AIM2: variants seen among roughly 807,000 people sequenced by gnomAD.
The protein encoded by AIM2 is interferon-inducible protein AIM2.
In AIM2, 30 loss-of-function variants were observed where a neutral mutation model predicts 27.7. That is an observed-to-expected ratio of 1.08 (90% CI 0.81 to 1.47). The LOEUF (loss-of-function observed/expected upper bound fraction) is 1.47, where lower values mean the gene tolerates loss of function less well. Among genes scored for constraint, AIM2 ranks in the 40% most tolerant of loss-of-function variants. The pLI is 0.00. For synonymous variants in AIM2, 141 were observed against 145.3 expected (o/e 0.97, Z 0.21); for missense variants, 358 against 411.3 (o/e 0.87, Z 1.12).
chr1:159,080,113 TG>T (rs2101998257), upstream of AIM2, among the ~76,000 whole-genome samples: 1 of 152,330 alleles, frequency 6.6e-6, no homozygotes, highest in South Asian at 2.1e-4. Context: ...TTCCAAGTTT[TG>T]GCAATTACGA....
chr1:159,067,026 A>C (rs891806825), intron 3 of AIM2, among the ~76,000 whole-genome samples: 2 of 152,216 alleles, frequency 1.3e-5, no homozygotes, highest in Non-Finnish European at 2.9e-5. Flanking sequence ...TTAAATACCT[A>C]AAAAATAGAT....
intron 5 of AIM2, among the ~76,000 whole-genome samples, chr1:159,062,936 A>G (rs1359237438): frequency 1.3e-5 from 2 of 152,266 alleles, no homozygotes; most frequent in South Asian, 4.1e-4. Flanking sequence ...ACATACGCAT[A>G]TTTCTCAAAT....
intron 1 of AIM2, among the ~76,000 whole-genome samples, chr1:159,122,567 TAGG>T (rs374856575): frequency 6.3e-4 from 96 of 152,256 alleles, no homozygotes; most frequent in Middle Eastern, 6.8e-3. Context: ...ACGATTGCTC[TAGG>T]AGGATTACTT....
At chr1:159,133,805 T>A (rs878905668) in intron 1 of AIM2, among the ~76,000 whole-genome samples, 1 of 152,212 alleles carries the variant, frequency 6.6e-6, no homozygotes, top group Admixed American at 6.5e-5. Flanking sequence ...AAGTTCCTCT[T>A]AGCTCATTCT....
At chr1:159,119,172 C>A (rs1450588011) in intron 1 of AIM2, among the ~76,000 whole-genome samples, 1 of 152,040 alleles carries the variant, frequency 6.6e-6, no homozygotes, top group Non-Finnish European at 1.5e-5. Context: ...ACGCTTGTAA[C>A]CCCAGGAGAG....
At chr1:159,087,240 A>G (rs945044049) in intron 1 of AIM2, among the ~76,000 whole-genome samples, 5 of 151,674 alleles carry the variant, frequency 3.3e-5, no homozygotes, top group African/African-American at 1.2e-4. Flanking sequence ...CTCCTACACT[A>G]CTCAATGTCC....
chr1:159,113,629 A>T (rs1403982016), intron 1 of AIM2, among the ~76,000 whole-genome samples: 2 of 152,110 alleles, frequency 1.3e-5, no homozygotes, highest in African/African-American at 4.8e-5. Context: ...CATCACAGAA[A>T]CCCATAATTA....
chr1:159,070,749 T>C (rs1325173151), intron 2 of AIM2, among the ~76,000 whole-genome samples: 2 of 152,244 alleles, frequency 1.3e-5, no homozygotes, highest in Admixed American at 6.5e-5. Flanking sequence ...AGGGATATTG[T>C]AGCAGGATCT....
chr1:159,098,340 T>C (rs888432038), intron 1 of AIM2, among the ~76,000 whole-genome samples: 1 of 152,088 alleles, frequency 6.6e-6, no homozygotes, highest in Non-Finnish European at 1.5e-5. Context: ...GAGCTGAAAA[T>C]TGAGAGTCGT....
chr1:159,138,059 GTATTA>G (rs1461704088), intron 1 of AIM2, among the ~76,000 whole-genome samples: 2 of 152,086 alleles, frequency 1.3e-5, no homozygotes, highest in African/African-American at 4.8e-5. Flanking sequence ...TACAATTAGG[GTATTA>G]TATTGATTAG....
At chr1:159,129,597 C>CA (rs1466908374) in intron 1 of AIM2, among the ~76,000 whole-genome samples, 1 of 151,898 alleles carries the variant, frequency 6.6e-6, no homozygotes, top group African/African-American at 2.4e-5. Flanking sequence ...TTCCTTATCT[C>CA]AAAAAAACAG....
chr1:159,066,889 A>T (rs1257035272), intron 3 of AIM2, among the ~76,000 whole-genome samples: 1 of 152,234 alleles, frequency 6.6e-6, no homozygotes, highest in Non-Finnish European at 1.5e-5. Context: ...TGAGTGAGTT[A>T]AAGGAGAAAT....
At chr1:159,102,016 G>A (rs989221770) in intron 1 of AIM2, among the ~76,000 whole-genome samples, 4 of 152,118 alleles carry the variant, frequency 2.6e-5, no homozygotes, top group Admixed American at 1.3e-4. Context: ...GGGCATGTCA[G>A]AGACCTACAC....
chr1:159,074,940 T>C (rs1656532584), intron 1 of AIM2, among the ~76,000 whole-genome samples: 1 of 152,098 alleles, frequency 6.6e-6, no homozygotes, highest in African/African-American at 2.4e-5. Context: ...GGGTTTTTCA[T>C]AGAATTTATC....
intron 1 of AIM2, among the ~76,000 whole-genome samples, chr1:159,138,918 CA>C (rs768098543): frequency 6.6e-5 from 10 of 152,208 alleles, no homozygotes; most frequent in Non-Finnish European, 1.5e-4. Context: ...ATAAAAAACA[CA>C]CCCATTTCTA....
At chr1:159,105,359 C>G (rs922775164) in intron 1 of AIM2, among the ~76,000 whole-genome samples, 1 of 152,184 alleles carries the variant, frequency 6.6e-6, no homozygotes, top group South Asian at 2.1e-4. Context: ...CCCGTGGACC[C>G]CCTTGGTCTG....
At chr1:159,065,887 T>A (rs1010595541) in intron 4 of AIM2, 23 bp downstream of exon 4, 11 of 1,559,106 alleles carry the variant, frequency 7.1e-6, no homozygotes, top group Non-Finnish European at 9.5e-6. Context: ...CTAATCAATA[T>A]GAAATTAGAT....
chr1:159,140,942 C>A (rs1307757724), upstream of AIM2, among the ~76,000 whole-genome samples: 1 of 152,148 alleles, frequency 6.6e-6, no homozygotes, highest in East Asian at 1.9e-4. Flanking sequence ...AAGTATAAAA[C>A]CTTCGAGTTT....
At chr1:159,125,797 T>C (rs1456956475) in intron 1 of AIM2, among the ~76,000 whole-genome samples, 1 of 152,146 alleles carries the variant, frequency 6.6e-6, no homozygotes, top group Non-Finnish European at 1.5e-5. Flanking sequence ...AAGTAAAAAG[T>C]GCTTACTCCA....
Sources: allele counts gnomAD v4.1 joint callset (sites outside exome capture counted in the v4.1 genomes callset), GRCh38; gene constraint gnomAD v4.1.1; transcripts MANE v1.5; gene names NCBI Gene and HGNC (gene_info 2026-07-23, HGNC 2026-07-21).